Variants in CHN2 observed in about 807,000 individuals in gnomAD.
CHN2 encodes the protein chimerin 2, also known as beta-chimaerin.
Under a neutral mutation model 56.3 loss-of-function variants are expected in CHN2, and 35 were observed. The observed-to-expected ratio is 0.62, with a 90% CI of 0.47 to 0.82. The LOEUF (loss-of-function observed/expected upper bound fraction) is 0.82, where lower values mean the gene tolerates loss of function less well. CHN2 is among the 40% of genes least tolerant of loss of function. The pLI is 0.00. For synonymous variants in CHN2, 210 were observed against 212.8 expected, an observed-to-expected ratio of 0.99 and a Z score of 0.12; for missense variants, 491 against 580.5, an observed-to-expected ratio of 0.85 and a Z score of 1.58.
At chr7:29,450,581 C>T (rs922077947) in intron 6 of CHN2, among the ~76,000 whole-genome samples, 2 of 152,182 alleles carry the variant, frequency 1.3e-5, no homozygotes, top group Non-Finnish European at 2.9e-5. Flanking sequence ...AACAGATTCT[C>T]TCCTAGCTCC....
At chr7:29,508,520 G>C (rs886087621) in intron 11 of CHN2, among the ~76,000 whole-genome samples, 3 of 152,116 alleles carry the variant, frequency 2.0e-5, no homozygotes, top group Middle Eastern at 3.4e-3. Flanking sequence ...GCTGGGATCA[G>C]TGTGAGATGC....
At chr7:29,408,598 C>T (rs940156963) in intron 6 of CHN2, among the ~76,000 whole-genome samples, 2 of 152,160 alleles carry the variant, frequency 1.3e-5, no homozygotes, top group Non-Finnish European at 2.9e-5. Context: ...TGCTCCCTTT[C>T]CATGACTCCT....
At chr7:29,166,153 C>T (rs762197778) in intron 2 of CHN2, among the ~76,000 whole-genome samples, 1 of 152,098 alleles carries the variant, frequency 6.6e-6, no homozygotes, top group Non-Finnish European at 1.5e-5. Flanking sequence ...GCCTCACCCT[C>T]CCAAGTAGCT....
chr7:29,505,141 C>T (rs6944811), intron 10 of CHN2, among the ~76,000 whole-genome samples: 37,436 of 151,846 alleles, frequency 0.25, 4,882 homozygotes, highest in Middle Eastern at 0.32. Context: ...TGGGAGGGCA[C>T]CCCCAGCACT....
chr7:29,166,723 A>G (rs182268493), intron 2 of CHN2, among the ~76,000 whole-genome samples: 131 of 152,170 alleles, frequency 8.6e-4, no homozygotes, highest in Non-Finnish European at 1.5e-3. Context: ...TCATTTCTAT[A>G]ATTAATAATT....
chr7:29,245,457 G>T (rs1290349198), intron 1 of CHN2, among the ~76,000 whole-genome samples: 2 of 152,162 alleles, frequency 1.3e-5, no homozygotes, highest in Non-Finnish European at 2.9e-5. Flanking sequence ...CTTCAGTGGG[G>T]ACAAGTAAGA....
intron 1 of CHN2, among the ~76,000 whole-genome samples, chr7:29,237,828 C>G (rs1039466614): frequency 2.0e-5 from 3 of 152,076 alleles, no homozygotes; most frequent in Non-Finnish European, 4.4e-5. Flanking sequence ...GTGGACAGCT[C>G]TCGCACATGA....
intron 2 of CHN2, among the ~76,000 whole-genome samples, chr7:29,362,968 A>T (rs995455705): frequency 6.6e-6 from 1 of 152,218 alleles, no homozygotes; most frequent in Non-Finnish European, 1.5e-5. Context: ...CACTTCCCAT[A>T]TATCACTGTT....
intron 6 of CHN2, among the ~76,000 whole-genome samples, chr7:29,411,839 C>T (rs963763288): frequency 4.6e-5 from 7 of 152,124 alleles, no homozygotes; most frequent in South Asian, 4.2e-4. Flanking sequence ...CCCTTCAGCC[C>T]GCCCCCGTCT....
chr7:29,434,876 G>A (rs1783109565), intron 6 of CHN2, among the ~76,000 whole-genome samples: 1 of 152,174 alleles, frequency 6.6e-6, no homozygotes, highest in African/African-American at 2.4e-5. Flanking sequence ...CAGATAGCTT[G>A]AGGACAGGAG....
At chr7:29,191,830 C>G (rs1056694474), upstream of CHN2, 52 of 152,278 alleles carry the variant, frequency 3.4e-4, 1 homozygote, top group African/African-American at 1.2e-3. Context: ...TGGAGAAATA[C>G]TTTAGAAGGT....
chr7:29,407,136 G>T (rs1047518987), intron 6 of CHN2, among the ~76,000 whole-genome samples: 1 of 152,148 alleles, frequency 6.6e-6, no homozygotes, highest in Non-Finnish European at 1.5e-5. Context: ...CAGGGGAATC[G>T]TGGAGACCAT....
chr7:29,279,664 A>G (rs1227079241), intron 1 of CHN2, among the ~76,000 whole-genome samples: 2 of 152,132 alleles, frequency 1.3e-5, no homozygotes, highest in Admixed American at 6.5e-5. Flanking sequence ...AAACAGGAGG[A>G]AAGGCATTTT....
intron 7 of CHN2, among the ~76,000 whole-genome samples, chr7:29,484,182 G>C (rs1455518473): frequency 6.6e-6 from 1 of 151,854 alleles, no homozygotes; most frequent in Non-Finnish European, 1.5e-5. Context: ...TTATTTCCTT[G>C]AATGTATTCC....
chr7:29,369,756 C>G (rs979194493), intron 3 of CHN2, among the ~76,000 whole-genome samples: 4 of 152,136 alleles, frequency 2.6e-5, no homozygotes, highest in African/African-American at 7.2e-5. Context: ...CTTCAACCAT[C>G]CAGCGGGCTG....
intron 2 of CHN2, among the ~76,000 whole-genome samples, chr7:29,168,214 C>T (rs900098507): frequency 2.0e-5 from 3 of 152,054 alleles, no homozygotes; most frequent in African/African-American, 2.4e-5. Context: ...CATAAAATGT[C>T]GGTTTATTTG....
intron 1 of CHN2, among the ~76,000 whole-genome samples, chr7:29,226,959 T>A (rs1786255975): frequency 6.6e-6 from 1 of 152,176 alleles, no homozygotes; most frequent in African/African-American, 2.4e-5. Flanking sequence ...TTGTAATGAA[T>A]ACACACACAC....
At chr7:29,451,615 C>T (rs927912079) in intron 6 of CHN2, among the ~76,000 whole-genome samples, 18 of 151,874 alleles carry the variant, frequency 1.2e-4, no homozygotes, top group South Asian at 2.1e-4. Context: ...GTCATATACG[C>T]GAAGAAGAGA....
At chr7:29,250,537 A>G (rs245962) in intron 1 of CHN2, among the ~76,000 whole-genome samples, 69,630 of 152,004 alleles carry the variant, frequency 0.46, 18,314 homozygotes, top group African/African-American at 0.72. Flanking sequence ...ATGAATTATA[A>G]CATGACTCCT....
Sources: allele counts gnomAD v4.1 joint callset (sites outside exome capture counted in the v4.1 genomes callset), GRCh38; gene constraint gnomAD v4.1.1; transcripts MANE v1.5; gene names NCBI Gene and HGNC (gene_info 2026-07-23, HGNC 2026-07-21).